Variants in AGL observed in about 807,000 individuals in gnomAD.
AGL encodes amylo-alpha-1,6-glucosidase and 4-alpha-glucanotransferase.
A neutral mutation model predicts 199.3 loss-of-function variants in AGL; 128 were observed. The ratio of observed to expected loss-of-function variants is 0.64; its 90% CI spans 0.56 to 0.74. AGL has a LOEUF of 0.74. Among genes scored for constraint, AGL ranks in the 30% least tolerant of loss-of-function variants. The probability of loss-of-function intolerance (pLI) is 0.00; values close to 1 mark genes in which losing one functional copy is unlikely to be tolerated. For synonymous variants in AGL, 584 were observed against 594.7 expected (o/e 0.98, Z 0.26); for missense variants, 1,809 against 1,820.8 (o/e 0.99, Z 0.12).
intron 24 of AGL, among the ~76,000 whole-genome samples, chr1:99,893,829 G>A (rs1366763535): frequency 6.6e-6 from 1 of 152,148 alleles, no homozygotes; most frequent in Non-Finnish European, 1.5e-5. Flanking sequence ...CAGATTTGCA[G>A]ATAGGTTTTT....
chr1:99,884,028 C>T (rs1652248322), intron 17 of AGL, 92 bp from the exon 18 acceptor site: 3 of 1,087,760 alleles, frequency 2.8e-6, no homozygotes, highest in Middle Eastern at 6.0e-4. Flanking sequence ...TTGTTTTCAA[C>T]TTTAAGTTAA....
Position 99,923,511 on chromosome 1 carries a change from G to T in AGL, c.*1860G>T, listed in dbSNP as rs1433664193. 1 of 152,024 alleles carries T rather than the reference G, an allele frequency of 6.6e-6. No homozygotes were observed. Among genetic ancestry groups the T allele is most frequent in the Admixed American group, 6.6e-5 (1 of 15,250 alleles). 9.4% of individuals were successfully genotyped at this position (152,024 alleles called of 1,614,324 possible). ...CTCTAGTAAGGCAGATACCCACGTTGGTAAATTTTTAGGATATTGTGTTGC... is the reference window on the plus strand; with the variant it reads ...CTCTAGTAAGGCAGATACCCACGTTTGTAAATTTTTAGGATATTGTGTTGC... On this transcript the variant is annotated 3_prime_UTR_variant, in exon 34 of 34. Coordinates refer to ENST00000361915, the MANE Select transcript of AGL (RefSeq NM_000642.3).
intron 29 of AGL, among the ~76,000 whole-genome samples, chr1:99,913,071 T>C (rs1654865695): frequency 6.6e-6 from 1 of 151,868 alleles, no homozygotes; most frequent in Admixed American, 6.6e-5. Context: ...AATACAAAAA[T>C]TAGTAGGGTG....
At chr1:99,850,605 C>A in intron 1 of AGL, 190 bp downstream of exon 1, 1 of 186,746 alleles carries the variant, frequency 5.4e-6, no homozygotes, top group Non-Finnish European at 1.1e-5. Context: ...TATCTTTGAG[C>A]AGACTAATCT....
intron 2 of AGL, 168 bp from the exon 3 acceptor site, chr1:99,861,335 C>T: frequency 6.7e-7 from 1 of 1,488,636 alleles, no homozygotes; most frequent in Non-Finnish European, 8.9e-7. Flanking sequence ...ATGTGAAATT[C>T]AGCTAAATTG....
intron 11 of AGL, among the ~76,000 whole-genome samples, chr1:99,876,860 G>A (rs569690925): frequency 1.4e-3 from 214 of 152,160 alleles, no homozygotes; most frequent in African/African-American, 4.8e-3. Flanking sequence ...TCTATATTGT[G>A]GGTCTACATA....
At chr1:99,867,188 A>G (rs1174520822) in intron 5 of AGL, among the ~76,000 whole-genome samples, 1 of 152,150 alleles carries the variant, frequency 6.6e-6, no homozygotes, top group Non-Finnish European at 1.5e-5. Flanking sequence ...GGCTTCACAC[A>G]CTCTTTACGT....
chr1:99,868,326 T>C lies in AGL; in HGVS notation c.665-2074T>C, dbSNP rs955659249. On this transcript the variant is annotated intron_variant, in intron 5 of 33. Transcript: ENST00000361915. ...TTTTAGGATTTTGCTATTTTAAAAA[T>C]TGGGGACGGGTGGAGTGGCTCACAC... Among the ~76,000 whole-genome samples the C allele has an allele frequency of 3.9e-5, 6 of 152,092 alleles. 1 individual carries two copies. Among genetic ancestry groups the C allele is most frequent in the Non-Finnish European group, 4.4e-5 (3 of 68,000 alleles).
chr1:99,907,138 G>T (rs1021987029), intron 27 of AGL, among the ~76,000 whole-genome samples: 2 of 152,052 alleles, frequency 1.3e-5, no homozygotes, highest in African/African-American at 4.8e-5. Flanking sequence ...TTATATGTTT[G>T]TTTGCCAATT....
chr1:99,912,274 T>A, intron 28 of AGL, 131 bp from the exon 29 acceptor site: 1 of 736,010 alleles, frequency 1.4e-6, no homozygotes. Flanking sequence ...TACACATTCC[T>A]ATAGAGTAAG....
chr1:99,921,038 A>G (rs532978356), intron 33 of AGL, among the ~76,000 whole-genome samples: 1 of 152,182 alleles, frequency 6.6e-6, no homozygotes, highest in South Asian at 2.1e-4. Flanking sequence ...TAAATGCATA[A>G]TAAATACCAA....
intron 25 of AGL, 137 bp downstream of exon 25, chr1:99,896,525 T>C (rs562076571): frequency 3.7e-4 from 274 of 734,572 alleles, no homozygotes; most frequent in Non-Finnish European, 5.9e-4. Flanking sequence ...TATTTTATTT[T>C]TGTATGTTCA....
chr1:99,915,305 C>G, intron 30 of AGL, 84 bp from the exon 31 acceptor site: 1 of 1,163,910 alleles, frequency 8.6e-7, no homozygotes, highest in Non-Finnish European at 1.3e-6. Flanking sequence ...TAATTTTTTT[C>G]AAGCTTATGA....
At chr1:99,859,731 G>A (rs1411032849) in intron 2 of AGL, among the ~76,000 whole-genome samples, 5 of 152,036 alleles carry the variant, frequency 3.3e-5, no homozygotes. Context: ...TAGTAGAGAT[G>A]GGGTTTCACC....
At chr1:99,870,631 G>A in intron 6 of AGL, 50 bp downstream of exon 6, 2 of 1,591,314 alleles carry the variant, frequency 1.3e-6, no homozygotes, top group Non-Finnish European at 1.7e-6. Flanking sequence ...AATTTCTAAA[G>A]CACACATTAA....
chr1:99,850,515 A>G (rs1441503377), intron 1 of AGL, 100 bp downstream of exon 1: 3 of 161,980 alleles, frequency 1.9e-5, no homozygotes, highest in African/African-American at 7.2e-5. Flanking sequence ...TTCCAGAGGC[A>G]ACAACTGCTT....
Position 99,881,538 on chromosome 1 carries a change from C to G in AGL, c.2158-3C>G. On this transcript the variant is annotated splice_polypyrimidine_tract_variant and splice_region_variant and intron_variant, in intron 16 of 33. Transcript: ENST00000361915. ...TAATCTAGTTGTTCTTTCTGCTTCT[C>G]AGGTGTATGTGGATCAAGTTGATGA... The G allele has an allele frequency of 6.2e-7, 1 of 1,613,904 alleles. No homozygotes were observed. Among genetic ancestry groups the G allele is most frequent in the Non-Finnish European group, 8.5e-7 (1 of 1,179,930 alleles).
intron 10 of AGL, among the ~76,000 whole-genome samples, chr1:99,875,719 A>G (rs1651465253): frequency 6.6e-6 from 1 of 152,230 alleles, no homozygotes; most frequent in Non-Finnish European, 1.5e-5. Context: ...AATAAATTCA[A>G]TATTAATCAA....
In AGL at chr1:99,921,977, A is replaced by G. The variant is rs1655541746; in HGVS notation, c.*326A>G. 2 of 196,860 alleles carry G rather than the reference A, an allele frequency of 1.0e-5. No homozygotes were observed. 12.2% of individuals were successfully genotyped at this position (196,860 alleles called of 1,614,324 possible). On this transcript the variant is annotated 3_prime_UTR_variant, in exon 34 of 34. Coordinates refer to ENST00000361915, the MANE Select transcript of AGL (RefSeq NM_000642.3). ...GAAATGAAAATAAAATATGAAAATAATGAAAGAAATGAAAAGATAGCTTTT... is the reference window on the plus strand; with the variant it reads ...GAAATGAAAATAAAATATGAAAATAGTGAAAGAAATGAAAAGATAGCTTTT...
Sources: allele counts gnomAD v4.1 joint callset (sites outside exome capture counted in the v4.1 genomes callset), GRCh38; gene constraint gnomAD v4.1.1; transcripts MANE v1.5; gene names NCBI Gene and HGNC (gene_info 2026-07-23, HGNC 2026-07-21).